The following SRP72 variants were observed in gnomAD, a reference collection of about 807,000 sequenced individuals.
The protein encoded by SRP72 is signal recognition particle subunit SRP72.
Under a neutral mutation model 96.3 loss-of-function variants are expected in SRP72, and 49 were observed. The ratio of observed to expected loss-of-function variants is 0.51; its 90% confidence interval spans 0.40 to 0.65. SRP72 has a LOEUF of 0.65. Among genes scored for constraint, SRP72 ranks in the 30% least tolerant of loss-of-function variants. SRP72 has a pLI of 0.00. For synonymous variants in SRP72, 267 were observed against 275.2 expected (o/e 0.97, Z 0.30); for missense variants, 736 against 793.3 (o/e 0.93, Z 0.87).
At position 56,478,730 on chromosome 4, in the gene SRP72, C is replaced by G; in HGVS notation, c.825+81C>G. On this transcript the variant is annotated intron_variant, in intron 8 of 18. Coordinates refer to ENST00000642900, the MANE Select transcript of SRP72 (RefSeq NM_006947.4). ...TAGTTTTAGTTTTGTTCTAGGATAG[C>G]CTAAGTGTTCTTTTTAACATGATGA... 2.9e-6 allele frequency: 4 copies of G among 1,387,324 alleles called. No individual in the cohort carries two copies. The South Asian group carries it at 5.4e-5, about 19-fold the overall frequency. The allele number at this position is 1,387,324 out of a possible 1,614,324, so 85.9% of individuals were successfully genotyped here.
At chr4:56,469,565 G>A (rs1006046867) in intron 1 of SRP72, 88 bp from the exon 2 acceptor site, 30 of 1,299,334 alleles carry the variant, frequency 2.3e-5, no homozygotes, top group Non-Finnish European at 1.8e-5. Context: ...TAGAAATTTA[G>A]CTTTCGGAGA....
At chr4:56,492,157 G>C (rs1720932824) in intron 16 of SRP72, among the ~76,000 whole-genome samples, 3 of 152,198 alleles carry the variant, frequency 2.0e-5, no homozygotes, top group Admixed American at 2.0e-4. Context: ...ATTGTACTTA[G>C]TGTTTCCCAA....
In SRP72 at chr4:56,502,496, C is replaced by CATATATATGTATATATATATATACAT. The variant is rs1721300297; in HGVS notation, c.*643_*644insGTATATATATATATACATATATATAT. ...ATATATATATATGTATATATATATA[C>CATATATATGTATATATATATATACAT]ATATATATATATATATAAACATGAA... On this transcript the variant is annotated 3_prime_UTR_variant, in exon 19 of 19. Transcript: ENST00000642900. 8.8e-6 allele frequency: 1 copy of CATATATATGTATATATATATATACAT among 113,772 alleles called. No individual in the cohort carries two copies. The highest frequency in any genetic ancestry group is 3.7e-5 in the African/African-American group (1 of 26,672). 7.0% of individuals were successfully genotyped at this position (113,772 alleles called of 1,614,324 possible). A position where few individuals can be genotyped will look rare whatever the true frequency, so the allele number is the denominator to read the frequency against.
At position 56,502,055 on chromosome 4, in the gene SRP72, G is replaced by A. The variant is rs188713088; in HGVS notation, c.*194G>A. 6.6e-4 allele frequency: 388 copies of A among 589,646 alleles called. No individual in the cohort carries two copies. Among genetic ancestry groups the A allele is most frequent in the Non-Finnish European group, 1.0e-3 (332 of 329,764 alleles). 36.5% of individuals were successfully genotyped at this position (589,646 alleles called of 1,614,324 possible). A position where few individuals can be genotyped will look rare whatever the true frequency, so the allele number is the denominator to read the frequency against. ...GATATGGCCTACTGGTTGCCTCATAGCTTTGTACAGATTATGAGGACTGAA... is the reference window on the plus strand; with the variant it reads ...GATATGGCCTACTGGTTGCCTCATAACTTTGTACAGATTATGAGGACTGAA... On this transcript the variant is annotated 3_prime_UTR_variant, in exon 19 of 19. Coordinates refer to ENST00000642900, the MANE Select transcript of SRP72 (RefSeq NM_006947.4).
At chr4:56,492,999 T>C (rs557631768) in intron 16 of SRP72, among the ~76,000 whole-genome samples, 76 of 152,240 alleles carry the variant, frequency 5.0e-4, no homozygotes, top group African/African-American at 1.8e-3. Context: ...AAATAATAAG[T>C]TTTTAAAAGT....
At chr4:56,486,890 T>C (rs578153593) in intron 11 of SRP72, among the ~76,000 whole-genome samples, 1 of 152,338 alleles carries the variant, frequency 6.6e-6, no homozygotes, top group Admixed American at 6.5e-5. Context: ...AAACTGCCAA[T>C]GTTTTTGTCT....
At position 56,501,942 on chromosome 4, in the gene SRP72, C is replaced by A; in HGVS notation, c.*81C>A. 2 of 1,352,832 alleles carry A rather than the reference C, an allele frequency of 1.5e-6. No individual in the cohort carries two copies. The highest frequency in any genetic ancestry group is 2.1e-6 in the Non-Finnish European group (2 of 951,052). 83.8% of individuals were successfully genotyped at this position (1,352,832 alleles called of 1,614,324 possible). ...ATAATAAAGGTAACACAGCAAGAAG[C>A]ACAGAACTACTCCCTCTTCATCTCC... On this transcript the variant is annotated 3_prime_UTR_variant, in exon 19 of 19. Transcript: ENST00000642900.
At position 56,501,829 on chromosome 4, in the gene SRP72, A is replaced by C; in HGVS notation, c.1984A>C (p.Lys662Gln). The C allele has an allele frequency of 6.2e-7, 1 of 1,614,134 alleles. No homozygotes were observed. The highest frequency in any genetic ancestry group is 8.5e-7 in the Non-Finnish European group (1 of 1,180,018). Residue 662 changes from lysine to glutamine, a missense_variant, in exon 19 of 19, where the codon AAA becomes CAA. Transcript: ENST00000642900. ...AGCAACAAAAAAGAAACAGCAACAGAAAAAGAAGAAAGGTGGAAAAGGTGG... is the reference window on the plus strand; with the variant it reads ...AGCAACAAAAAAGAAACAGCAACAGCAAAAGAAGAAAGGTGGAAAAGGTGG... ...APATKKKQQQ[K>Q]KKKGGKGGW
Position 56,491,430 on chromosome 4 carries a change from G to A in SRP72, c.1503-1G>A, listed in dbSNP as rs772942432. The stretch of plus-strand genomic sequence containing the variant: ...GTTCCTGAACTCCTGTTCTATCACA[G>A]TCTTAGTAAACACTTGCCATCGTCA... On this transcript the variant is annotated splice_acceptor_variant, in intron 15 of 18. Coordinates refer to ENST00000642900, the MANE Select transcript of SRP72 (RefSeq NM_006947.4). LOFTEE classifies it high-confidence loss of function. The A allele has an allele frequency of 6.2e-7, 1 of 1,613,486 alleles. No homozygotes were observed. Among genetic ancestry groups the A allele is most frequent in the Admixed American group, 1.7e-5 (1 of 59,990 alleles).
chr4:56,474,542 CTT>C (rs112716931), intron 5 of SRP72, 151 bp downstream of exon 5: 737 of 619,024 alleles, frequency 1.2e-3, no homozygotes, highest in East Asian at 5.1e-3. Flanking sequence ...CTTTCTCTCT[CTT>C]TTTTTTTTTT....
chr4:56,490,112 T>C (rs1488655093), intron 13 of SRP72, among the ~76,000 whole-genome samples: 1 of 152,190 alleles, frequency 6.6e-6, no homozygotes, highest in African/African-American at 2.4e-5. Context: ...TATAGGTTGT[T>C]TTCCAGATTC....
intron 3 of SRP72, among the ~76,000 whole-genome samples, chr4:56,473,205 CT>C (rs1004357977): frequency 6.6e-6 from 1 of 152,008 alleles, no homozygotes; most frequent in African/African-American, 2.4e-5. Flanking sequence ...AAGAAAATCA[CT>C]TTTCGCACTT....
At chr4:56,494,453 G>A (rs1304252588) in intron 16 of SRP72, among the ~76,000 whole-genome samples, 1 of 146,854 alleles carries the variant, frequency 6.8e-6, no homozygotes, top group African/African-American at 2.6e-5. Context: ...CGCTCAGGCT[G>A]GAGTGCAGTG....
intron 6 of SRP72, among the ~76,000 whole-genome samples, chr4:56,477,723 G>A (rs1720303829): frequency 6.6e-6 from 1 of 152,112 alleles, no homozygotes; most frequent in Admixed American, 6.6e-5. Context: ...AGGAGTGTTG[G>A]GTCATTAAAG....
At chr4:56,477,030 A>G (rs966672728) in intron 6 of SRP72, 1 of 218,430 alleles carries the variant, frequency 4.6e-6, no homozygotes, top group African/African-American at 2.3e-5. Flanking sequence ...ATGTAGTGAC[A>G]TAATTCAACA....
At chr4:56,473,015 A>G (rs899209146) in intron 3 of SRP72, among the ~76,000 whole-genome samples, 4 of 152,166 alleles carry the variant, frequency 2.6e-5, no homozygotes, top group African/African-American at 7.2e-5. Flanking sequence ...GCGAACTCCT[A>G]GGAAACATTA....
chr4:56,472,430 C>CG (rs1189005916), intron 3 of SRP72, among the ~76,000 whole-genome samples: 1 of 150,020 alleles, frequency 6.7e-6, no homozygotes, highest in Non-Finnish European at 1.5e-5. Context: ...ACTGCAGCCT[C>CG]TGACTCCCAG....
At chr4:56,476,614 T>C (rs951713651) in intron 5 of SRP72, 57 bp from the exon 6 acceptor site, 13 of 1,569,282 alleles carry the variant, frequency 8.3e-6, no homozygotes, top group Middle Eastern at 1.7e-4. Flanking sequence ...TTTGGAATAG[T>C]GAAAGAAATG....
At position 56,501,639 on chromosome 4, in the gene SRP72, C is replaced by T. The variant is rs17086912; in HGVS notation, c.1839-45C>T. 2,734 of 1,554,280 alleles carry T rather than the reference C, an allele frequency of 1.8e-3. 107 individuals are homozygous for T. The East Asian group carries it at 0.052, about 29-fold the overall frequency. On this transcript the variant is annotated intron_variant, in intron 18 of 18. Transcript: ENST00000642900. Reference sequence around the variant, plus strand: ...ATGTACATACATTTTTATACTCTTCCTTCGTTGAATATATGAGTGACCAAA... The same window carrying T: ...ATGTACATACATTTTTATACTCTTCTTTCGTTGAATATATGAGTGACCAAA...
Sources: gnomAD v4.1 joint callset for allele counts (sites outside exome capture counted in the v4.1 genomes callset) on GRCh38, gnomAD v4.1.1 for gene constraint, MANE v1.5 for transcripts, NCBI Gene and HGNC (gene_info 2026-07-23, HGNC 2026-07-21) for gene names.